The following SGMS1 variants were observed in gnomAD, a reference collection of about 807,000 sequenced individuals.
The protein encoded by SGMS1 is phosphatidylcholine:ceramide cholinephosphotransferase 1.
A neutral mutation model predicts 46.2 loss-of-function variants in SGMS1; 13 were observed. The ratio of observed to expected loss-of-function variants is 0.28; its 90% CI spans 0.18 to 0.45. The LOEUF is 0.45. SGMS1 is among the 20% of genes least tolerant of loss of function. SGMS1 has a pLI of 1.00. For synonymous variants in SGMS1, 203 were observed against 187.8 expected, an observed-to-expected ratio of 1.08 and a Z score of -0.66; for missense variants, 324 against 519.9, an observed-to-expected ratio of 0.62 and a Z score of 3.66.
chr10:50,399,319 C>T (rs1345907728), intron 6 of SGMS1, among the ~76,000 whole-genome samples: 1 of 152,014 alleles, frequency 6.6e-6, no homozygotes, highest in African/African-American at 2.4e-5. Context: ...GATTATAGTA[C>T]TTTCATACAA....
chr10:50,307,178 C>T lies in SGMS1; in HGVS notation c.1206G>A (p.Arg402=), dbSNP rs779750409. 8 of 1,614,008 alleles carry T rather than the reference C, an allele frequency of 5.0e-6. No homozygotes were observed. The highest frequency in any genetic ancestry group is 6.8e-6 in the Non-Finnish European group (8 of 1,179,970). ...PFPWPVVHLS[R]QVKYSRLVND... ...TCACCAGCCGGCTGTATTTAACTTG[C>T]CTACTGAGGTGGACTACTGGCCAGG... Residue 402 remains arginine, a synonymous_variant, in exon 11 of 11, where the codon AGG becomes AGA. Transcript: ENST00000361781. The surrounding 1 kb of genome is among the most constrained non-coding windows in gnomAD (Gnocchi z 4.2).
chr10:50,362,838 C>T (rs890581546), intron 6 of SGMS1, among the ~76,000 whole-genome samples: 10 of 151,992 alleles, frequency 6.6e-5, no homozygotes, highest in East Asian at 1.9e-4. Flanking sequence ...AAAGAAGGTA[C>T]GGAGAAACCC....
chr10:50,608,929 T>C (rs1838721142), intron 1 of SGMS1, among the ~76,000 whole-genome samples: 1 of 152,324 alleles, frequency 6.6e-6, no homozygotes, highest in Admixed American at 6.5e-5. Flanking sequence ...CTCTAGATAA[T>C]GTATAATACA....
intron 4 of SGMS1, among the ~76,000 whole-genome samples, chr10:50,464,628 T>C (rs1837307890): frequency 6.6e-6 from 1 of 152,226 alleles, no homozygotes; most frequent in South Asian, 2.1e-4. Flanking sequence ...GAGACGGGGT[T>C]TCGCCATGTT....
At chr10:50,474,607 C>T (rs1387887115) in intron 3 of SGMS1, among the ~76,000 whole-genome samples, 1 of 152,078 alleles carries the variant, frequency 6.6e-6, no homozygotes, top group Non-Finnish European at 1.5e-5. Context: ...TAAGATGAGT[C>T]AGTTCATAGG....
chr10:50,397,110 T>C (rs1848858906), intron 6 of SGMS1, among the ~76,000 whole-genome samples: 1 of 152,228 alleles, frequency 6.6e-6, no homozygotes. Flanking sequence ...CCCATTCTCT[T>C]CAAATGAATC....
chr10:50,564,506 G>A (rs995206552), intron 2 of SGMS1, among the ~76,000 whole-genome samples: 1 of 152,216 alleles, frequency 6.6e-6, no homozygotes, highest in African/African-American at 2.4e-5. Context: ...AAGCACGTGA[G>A]ATGATCAGAA....
At chr10:50,365,839 G>T (rs894771925) in intron 6 of SGMS1, among the ~76,000 whole-genome samples, 2 of 152,060 alleles carry the variant, frequency 1.3e-5, no homozygotes, top group African/African-American at 4.8e-5. Context: ...TCATTGATGG[G>T]CATTTGGGTT....
chr10:50,501,669 G>A (rs900473462), intron 3 of SGMS1, among the ~76,000 whole-genome samples: 1 of 152,124 alleles, frequency 6.6e-6, no homozygotes, highest in African/African-American at 2.4e-5. Flanking sequence ...AATCTAGTGA[G>A]TCATACTTTA....
intron 6 of SGMS1, among the ~76,000 whole-genome samples, chr10:50,376,361 C>T (rs1214554665): frequency 6.6e-6 from 1 of 152,148 alleles, no homozygotes; most frequent in Admixed American, 6.5e-5. Context: ...ACCAGAGAGT[C>T]CCTCGACCTC....
At chr10:50,309,549 T>C (rs1053743462) in intron 9 of SGMS1, among the ~76,000 whole-genome samples, 2 of 152,116 alleles carry the variant, frequency 1.3e-5, no homozygotes, top group East Asian at 3.9e-4. Context: ...GAGCCAGGAA[T>C]CCCTCCCCCA....
At chr10:50,330,328 A>G (rs1443468994) in intron 7 of SGMS1, among the ~76,000 whole-genome samples, 1 of 125,424 alleles carries the variant, frequency 8.0e-6, no homozygotes, top group Non-Finnish European at 1.8e-5. Context: ...CAAACAAACA[A>G]AAAAACATTA....
intron 2 of SGMS1, among the ~76,000 whole-genome samples, chr10:50,551,581 C>T (rs1294974756): frequency 1.3e-5 from 2 of 151,834 alleles, no homozygotes; most frequent in African/African-American, 2.4e-5. Flanking sequence ...TGTTTCATAT[C>T]GATATAAGAT....
intron 6 of SGMS1, among the ~76,000 whole-genome samples, chr10:50,367,963 T>C (rs1848374843): frequency 6.6e-6 from 1 of 152,210 alleles, no homozygotes; most frequent in Non-Finnish European, 1.5e-5. Context: ...ACGCAAAGTC[T>C]GTGAAATTAC....
At chr10:50,357,085 AAG>A (rs958290239) in intron 6 of SGMS1, among the ~76,000 whole-genome samples, 1 of 152,064 alleles carries the variant, frequency 6.6e-6, no homozygotes, top group African/African-American at 2.4e-5. Flanking sequence ...AAAAAAAAAA[AAG>A]CAGAGAAAAA....
intron 2 of SGMS1, among the ~76,000 whole-genome samples, chr10:50,568,003 G>A (rs142930641): frequency 8.3e-4 from 126 of 152,254 alleles, no homozygotes; most frequent in East Asian, 3.7e-3. Flanking sequence ...TTTAAGGTTT[G>A]GGGGAGGGGG....
intron 3 of SGMS1, among the ~76,000 whole-genome samples, chr10:50,496,234 C>A (rs1251201687): frequency 6.6e-6 from 1 of 152,212 alleles, no homozygotes; most frequent in African/African-American, 2.4e-5. Context: ...ATAAATAATT[C>A]TTTAATGGCT....
intron 3 of SGMS1, among the ~76,000 whole-genome samples, chr10:50,490,127 G>C (rs1032543226): frequency 6.6e-6 from 1 of 152,150 alleles, no homozygotes; most frequent in African/African-American, 2.4e-5. Context: ...CTTTAAGAAG[G>C]TCTTTGTCAT....
chr10:50,619,683 TA>T (rs908337608), intron 1 of SGMS1, among the ~76,000 whole-genome samples: 4 of 152,196 alleles, frequency 2.6e-5, no homozygotes, highest in African/African-American at 9.7e-5. Flanking sequence ...CCAAATTATC[TA>T]AATCTCCACT....
Sources: allele counts gnomAD v4.1 joint callset (sites outside exome capture counted in the v4.1 genomes callset), GRCh38; gene constraint gnomAD v4.1.1; non-coding constraint Gnocchi (gnomAD v3.1); transcripts MANE v1.5; gene names NCBI Gene and HGNC (gene_info 2026-07-23, HGNC 2026-07-21).